Variants in DLG2 observed in about 807,000 individuals in gnomAD.
The protein encoded by DLG2 is discs large MAGUK scaffold protein 2.
DLG2 carries 45 observed loss-of-function variants against 132.5 expected under a neutral mutation model. The ratio of observed to expected loss-of-function variants is 0.34; its 90% CI spans 0.27 to 0.44. The LOEUF is 0.44. DLG2 is among the 20% of genes least tolerant of loss of function. The probability of loss-of-function intolerance (pLI) is 1.00; values close to 1 mark genes in which losing one functional copy is unlikely to be tolerated. For missense variants in DLG2, 1,045 were observed against 1,196.9 expected, an observed-to-expected ratio of 0.87 and a Z score of 1.87; for synonymous variants, 424 against 419.6, an observed-to-expected ratio of 1.01 and a Z score of -0.13.
chr11:83,507,798 A>G (rs1195101897), intron 21 of DLG2, among the ~76,000 whole-genome samples: 2 of 105,776 alleles, frequency 1.9e-5, no homozygotes, highest in Non-Finnish European at 3.9e-5. Context: ...ATATATATAT[A>G]TGTATATATG....
chr11:83,659,461 T>C (rs1237494622), intron 18 of DLG2, among the ~76,000 whole-genome samples: 1 of 152,204 alleles, frequency 6.6e-6, no homozygotes, highest in African/African-American at 2.4e-5. Context: ...TACTCCTGAA[T>C]CTTTCAGTCA....
At chr11:84,043,272 T>C (rs1034908371) in intron 11 of DLG2, among the ~76,000 whole-genome samples, 1 of 151,880 alleles carries the variant, frequency 6.6e-6, no homozygotes, top group South Asian at 2.1e-4. Context: ...ATCATAAATA[T>C]ATTTTTTCTT....
At chr11:83,471,843 T>C (rs778540765) in intron 23 of DLG2, 116 bp from the exon 24 acceptor site, 8 of 775,702 alleles carry the variant, frequency 1.0e-5, no homozygotes, top group Non-Finnish European at 1.5e-5. Context: ...AGGGCATTAC[T>C]TCACTGGATA....
chr11:83,752,027 G>A (rs1017555764), intron 18 of DLG2, among the ~76,000 whole-genome samples: 20 of 152,186 alleles, frequency 1.3e-4, no homozygotes, highest in Non-Finnish European at 2.6e-4. Flanking sequence ...CCAGCACTTC[G>A]GGAGGCCGAG....
intron 3 of DLG2, among the ~76,000 whole-genome samples, chr11:85,553,301 A>T (rs2076768008): frequency 6.6e-6 from 1 of 151,660 alleles, no homozygotes. Flanking sequence ...TATATGCCAA[A>T]CACTGTTTTA....
chr11:85,127,387 T>G (rs950422741), intron 5 of DLG2, among the ~76,000 whole-genome samples: 1 of 152,042 alleles, frequency 6.6e-6, no homozygotes, highest in African/African-American at 2.4e-5. Context: ...CCTCCCGATA[T>G]TTATCCCTGC....
rs866696172 is a variant in DLG2 at position 84,253,028 on chromosome 11, C to T, written c.520-1737G>A. 2.0e-5 allele frequency among the ~76,000 whole-genome samples: 3 copies of T among 152,122 alleles called. No homozygotes were observed. The South Asian group carries it at 6.2e-4, about 32-fold the overall frequency. On this transcript the variant is annotated intron_variant, in intron 7 of 27. Coordinates refer to ENST00000376104, the MANE Select transcript of DLG2 (RefSeq NM_001142699.3). ...AAATTTCATGTCTTTACCAAAAACA[C>T]TGGGCATGGAAAACATAACCTTGGC...
intron 6 of DLG2, among the ~76,000 whole-genome samples, chr11:85,076,201 T>G (rs1320890250): frequency 6.6e-6 from 1 of 151,966 alleles, no homozygotes; most frequent in African/African-American, 2.4e-5. Flanking sequence ...TTGCAAGAGT[T>G]TTGAAATTCC....
At chr11:84,658,804 C>T (rs532643918) in intron 6 of DLG2, among the ~76,000 whole-genome samples, 1 of 152,274 alleles carries the variant, frequency 6.6e-6, no homozygotes, top group South Asian at 2.1e-4. Context: ...CATGTTTGTA[C>T]AGCCTGCTGA....
intron 7 of DLG2, among the ~76,000 whole-genome samples, chr11:84,290,072 G>A (rs1336204951): frequency 1.3e-5 from 2 of 152,090 alleles, no homozygotes; most frequent in Non-Finnish European, 2.9e-5. Flanking sequence ...CCTCGGTAAA[G>A]GCTGAGTATC....
At chr11:83,816,369 G>C (rs567459049) in intron 17 of DLG2, among the ~76,000 whole-genome samples, 18 of 152,268 alleles carry the variant, frequency 1.2e-4, no homozygotes, top group African/African-American at 4.1e-4. Context: ...TTCCCAGACT[G>C]TCTGTCTTAG....
At chr11:83,686,271 G>C (rs1019088354) in intron 18 of DLG2, among the ~76,000 whole-genome samples, 1 of 152,062 alleles carries the variant, frequency 6.6e-6, no homozygotes, top group Non-Finnish European at 1.5e-5. Flanking sequence ...TGTCTCCTTG[G>C]AAGAAGAGAT....
intron 6 of DLG2, among the ~76,000 whole-genome samples, chr11:85,107,466 T>C (rs1255845922): frequency 6.6e-6 from 1 of 152,056 alleles, no homozygotes; most frequent in African/African-American, 2.4e-5. Context: ...TTCACAAATA[T>C]GCTCTAAAAT....
intron 6 of DLG2, among the ~76,000 whole-genome samples, chr11:84,883,328 A>G (rs1431531158): frequency 6.6e-6 from 1 of 151,924 alleles, no homozygotes; most frequent in Non-Finnish European, 1.5e-5. Context: ...GGACAAGGGG[A>G]GGGATAGCAT....
chr11:84,072,833 G>A (rs943442958), intron 10 of DLG2, among the ~76,000 whole-genome samples: 9 of 152,208 alleles, frequency 5.9e-5, no homozygotes, highest in African/African-American at 1.9e-4. Context: ...ATTGTTGTTA[G>A]AGGCTGCTAT....
At chr11:84,164,207 G>T (rs1157199032) in intron 8 of DLG2, among the ~76,000 whole-genome samples, 1 of 152,152 alleles carries the variant, frequency 6.6e-6, no homozygotes, top group East Asian at 1.9e-4. Context: ...TTTAAATACA[G>T]CCAGGCACCT....
chr11:83,964,905 C>G (rs947413178), intron 13 of DLG2, among the ~76,000 whole-genome samples: 12 of 151,942 alleles, frequency 7.9e-5, no homozygotes, highest in Non-Finnish European at 1.8e-4. Context: ...GCAAGATCCC[C>G]TTTTTCAGGA....
At chr11:84,392,875 G>A (rs1360912542) in intron 7 of DLG2, among the ~76,000 whole-genome samples, 1 of 152,080 alleles carries the variant, frequency 6.6e-6, no homozygotes, top group Non-Finnish European at 1.5e-5. Flanking sequence ...CCCTTCGGCT[G>A]GGCTTCTTTG....
chr11:83,488,506 A>G (rs1485937823), intron 21 of DLG2, among the ~76,000 whole-genome samples: 1 of 151,942 alleles, frequency 6.6e-6, no homozygotes, highest in Non-Finnish European at 1.5e-5. Context: ...CTCAAATCTC[A>G]TGTTTTTAAA....
Sources: gnomAD v4.1 joint callset for allele counts (sites outside exome capture counted in the v4.1 genomes callset) on GRCh38, gnomAD v4.1.1 for gene constraint, MANE v1.5 for transcripts, NCBI Gene and HGNC (gene_info 2026-07-23, HGNC 2026-07-21) for gene names.